Variants in SLC2A12 observed in about 807,000 individuals in gnomAD.
SLC2A12 encodes the protein solute carrier family 2, facilitated glucose transporter member 12.
Under a neutral mutation model 41.8 loss-of-function variants are expected in SLC2A12, and 23 were observed. That is an observed-to-expected ratio of 0.55 (90% confidence interval 0.40 to 0.78). SLC2A12 has a LOEUF of 0.78. SLC2A12 is among the 30% of genes least tolerant of loss of function. The probability of loss-of-function intolerance (pLI) is 0.00; values close to 1 mark genes in which losing one functional copy is unlikely to be tolerated. For missense variants in SLC2A12, 654 were observed against 745.6 expected, an observed-to-expected ratio of 0.88 and a Z score of 1.43; for synonymous variants, 295 against 285.9, an observed-to-expected ratio of 1.03 and a Z score of -0.32.
chr6:134,002,049 G>A lies in SLC2A12; in HGVS notation c.1648C>T (p.Pro550Ser), dbSNP rs1250343377. 1.2e-6 allele frequency: 2 copies of A among 1,605,832 alleles called. No individual in the cohort carries two copies. The highest frequency in any genetic ancestry group is 1.7e-6 in the Non-Finnish European group (2 of 1,177,426). Residue 550 changes from proline (P) to serine (S), a missense_variant, in exon 4 of 5, where the codon CCT (proline) becomes TCT (serine). Around this residue, in one of 3 missense-constraint regions of SLC2A12, gnomAD observed 134 missense variants for 180.5 expected, o/e 0.74. Coordinates refer to ENST00000275230, the MANE Select transcript of SLC2A12 (RefSeq NM_145176.3). Reference protein sequence around the residue: ...ASLLFVVMFIPETKGCSLEQI... With the variant: ...ASLLFVVMFISETKGCSLEQI... ...TCCAAAGAGCATCCCTTTGTCTCAG[G>A]TATAAACATAACAACAAAAAGCAGG...
At chr6:134,014,336 G>A (rs1234468272) in intron 2 of SLC2A12, among the ~76,000 whole-genome samples, 1 of 152,134 alleles carries the variant, frequency 6.6e-6, no homozygotes, top group Non-Finnish European at 1.5e-5. Context: ...GTGCAGCCGG[G>A]TTCCTAACAG....
intron 1 of SLC2A12, among the ~76,000 whole-genome samples, chr6:134,044,927 G>A (rs772813433): frequency 5.9e-5 from 9 of 152,108 alleles, no homozygotes; most frequent in Non-Finnish European, 8.8e-5. Context: ...AAGTTTCATT[G>A]ACGGCTATTG....
rs770545980 is a variant in SLC2A12, at chr6:134,006,912, C to A, written c.1467G>T (p.Glu489Asp). ...LGPMPWLVLS[E>D]IFPGGIRGRA... Reference sequence around the variant, plus strand: ...GTCCTCTGATCCCACCAGGAAAGATCTCGCTGAGCACCAGCCAGGGCACTA... The same window carrying A: ...GTCCTCTGATCCCACCAGGAAAGATATCGCTGAGCACCAGCCAGGGCACTA... The change falls in exon 3 of 5, where the codon GAG (glutamate) becomes GAT (aspartate). Residue 489 changes from glutamate to aspartate, a missense_variant. Transcript: ENST00000275230. 6.2e-7 allele frequency: 1 copy of A among 1,614,124 alleles called. No individual in the cohort carries two copies.
chr6:134,035,954 T>C (rs545732144), intron 1 of SLC2A12, among the ~76,000 whole-genome samples: 7 of 152,332 alleles, frequency 4.6e-5, no homozygotes, highest in Non-Finnish European at 1.0e-4. Context: ...CTGCATTGTC[T>C]GCTGGTCAGT....
intron 1 of SLC2A12, among the ~76,000 whole-genome samples, chr6:134,032,908 A>G (rs73774200): frequency 0.027 from 4,007 of 148,208 alleles, 191 homozygotes; most frequent in African/African-American, 0.094. Flanking sequence ...TTTTGGTGGT[A>G]GGAACACAGA....
intron 1 of SLC2A12, among the ~76,000 whole-genome samples, chr6:134,045,256 T>C (rs956045968): frequency 6.6e-6 from 1 of 152,200 alleles, no homozygotes; most frequent in East Asian, 1.9e-4. Flanking sequence ...AGTCCTGAAA[T>C]GAGTGTAACT....
At chr6:134,035,057 G>T (rs1318345910) in intron 1 of SLC2A12, among the ~76,000 whole-genome samples, 1 of 150,972 alleles carries the variant, frequency 6.6e-6, no homozygotes, top group African/African-American at 2.4e-5. Flanking sequence ...CTGCTGTTGG[G>T]GCTCGGAATA....
intron 1 of SLC2A12, among the ~76,000 whole-genome samples, chr6:134,034,146 C>A (rs1445615321): frequency 1.3e-5 from 2 of 152,158 alleles, no homozygotes; most frequent in Admixed American, 6.6e-5. Context: ...ACATATATCT[C>A]TTTCTTGCTA....
chr6:133,994,941 G>A (rs1160281732), intron 4 of SLC2A12, among the ~76,000 whole-genome samples: 1 of 152,168 alleles, frequency 6.6e-6, no homozygotes. Flanking sequence ...ACTATCTCCA[G>A]TCAAATGCTG....
intron 2 of SLC2A12, among the ~76,000 whole-genome samples, chr6:134,010,620 G>T (rs143766661): frequency 6.6e-6 from 1 of 152,160 alleles, no homozygotes; most frequent in Non-Finnish European, 1.5e-5. Flanking sequence ...GGACTTGTGG[G>T]GGGGCGGAGG....
intron 1 of SLC2A12, among the ~76,000 whole-genome samples, chr6:134,032,628 C>A (rs1777235395): frequency 6.8e-6 from 1 of 147,080 alleles, no homozygotes; most frequent in Non-Finnish European, 1.5e-5. Flanking sequence ...CCCAAACTAG[C>A]TTTCCCACTT....
In SLC2A12 at chr6:134,028,973, T is replaced by C. The variant is rs771163894; in HGVS notation, c.852A>G (p.Thr284=). Reference sequence around the variant, plus strand: ...CAGTGATTTGTACAAAAAATACTAGTGTTAGTCCTATCATTATTCGGGTCC... The same window carrying C: ...CAGTGATTTGTACAAAAAATACTAGCGTTAGTCCTATCATTATTCGGGTCC... The part of the protein sequence containing the change: ...NMRTRIMIGL[T]LVFFVQITGQ... Residue 284 remains threonine, a synonymous_variant, in exon 2 of 5, where the codon ACA becomes ACG. Transcript: ENST00000275230. 6.2e-7 allele frequency: 1 copy of C among 1,614,210 alleles called. No homozygotes were observed. Among genetic ancestry groups the C allele is most frequent in the Non-Finnish European group, 8.5e-7 (1 of 1,180,034 alleles).
At chr6:134,048,081 C>A (rs1048430335) in intron 1 of SLC2A12, among the ~76,000 whole-genome samples, 1 of 152,232 alleles carries the variant, frequency 6.6e-6, no homozygotes, top group Non-Finnish European at 1.5e-5. Context: ...ATGTTCGCAG[C>A]CTTTTCCCTT....
chr6:134,009,520 C>A (rs1021609797), intron 2 of SLC2A12, among the ~76,000 whole-genome samples: 9 of 151,994 alleles, frequency 5.9e-5, no homozygotes, highest in African/African-American at 2.2e-4. Flanking sequence ...GCTCAACCTC[C>A]CAATGTGGAG....
chr6:134,022,538 G>GAAA (rs1259064551), intron 2 of SLC2A12, among the ~76,000 whole-genome samples: 1 of 8,586 alleles, frequency 1.2e-4, no homozygotes, highest in Non-Finnish European at 1.9e-4. Context: ...TCTCAAAAAA[G>GAAA]AAAAGAAAAG....
At chr6:134,012,687 G>A (rs893923109) in intron 2 of SLC2A12, among the ~76,000 whole-genome samples, 3 of 146,032 alleles carry the variant, frequency 2.1e-5, no homozygotes, top group Non-Finnish European at 3.0e-5. Context: ...TTTAGGAACA[G>A]GCCAGCGCAG....
intron 2 of SLC2A12, among the ~76,000 whole-genome samples, chr6:134,016,246 C>G (rs150181737): frequency 6.7e-6 from 1 of 149,426 alleles, no homozygotes; most frequent in Non-Finnish European, 1.5e-5. Context: ...GTTGACTGTC[C>G]GATAAAGATA....
chr6:134,030,616 A>G (rs954376276), intron 1 of SLC2A12, among the ~76,000 whole-genome samples: 5 of 152,256 alleles, frequency 3.3e-5, no homozygotes, highest in Non-Finnish European at 7.3e-5. Context: ...AAAAAGCAAC[A>G]GAGGGAAGAG....
intron 1 of SLC2A12, among the ~76,000 whole-genome samples, chr6:134,041,420 C>T (rs2114502648): frequency 6.6e-6 from 1 of 152,052 alleles, no homozygotes; most frequent in South Asian, 2.1e-4. Context: ...AAGTTCAAGG[C>T]TGCAGTAAGC....
Sources: allele counts gnomAD v4.1 joint callset (sites outside exome capture counted in the v4.1 genomes callset), GRCh38; gene constraint gnomAD v4.1.1; regional missense constraint gnomAD v4.1.1; transcripts MANE v1.5; gene names NCBI Gene and HGNC (gene_info 2026-07-23, HGNC 2026-07-21).